The following SYNE2 variants were observed in gnomAD, a reference collection of about 807,000 sequenced individuals.
The protein encoded by SYNE2 is nesprin-2.
In SYNE2, 431 loss-of-function variants were observed where a neutral mutation model predicts 856.3. That is an observed-to-expected ratio of 0.50 (90% CI 0.47 to 0.55). The LOEUF (loss-of-function observed/expected upper bound fraction) is 0.55. Among genes scored for constraint, SYNE2 ranks in the 20% least tolerant of loss-of-function variants. SYNE2 has a pLI of 0.00. For synonymous variants in SYNE2, 2,923 were observed against 2,872.3 expected, an observed-to-expected ratio of 1.02 and a Z score of -0.56; for missense variants, 8,129 against 8,023.2, an observed-to-expected ratio of 1.01 and a Z score of -0.50.
chr14:64,204,728 C>T (rs2098596985), intron 100 of SYNE2, among the ~76,000 whole-genome samples: 1 of 152,050 alleles, frequency 6.6e-6, no homozygotes, highest in African/African-American at 2.4e-5. Flanking sequence ...TTCAGGACTA[C>T]CATTATTGTA....
chr14:64,186,304 C>T (rs754780732), intron 96 of SYNE2, 120 bp from the exon 97 acceptor site: 1 of 1,311,874 alleles, frequency 7.6e-7, no homozygotes, highest in African/African-American at 1.5e-5. Flanking sequence ...TTCAGAAGGT[C>T]CCTCCCTCTC....
chr14:64,204,676 A>G (rs998252628), intron 100 of SYNE2, among the ~76,000 whole-genome samples: 9 of 152,014 alleles, frequency 5.9e-5, no homozygotes, highest in Admixed American at 5.9e-4. Flanking sequence ...TGACATTTCT[A>G]TCCCTTGGTT....
intron 45 of SYNE2, among the ~76,000 whole-genome samples, chr14:64,036,415 C>T (rs1339344951): frequency 3.9e-5 from 6 of 152,010 alleles, no homozygotes; most frequent in Non-Finnish European, 7.4e-5. Flanking sequence ...CCTCCTGAGT[C>T]GCTGGGATCA....
In SYNE2 at chr14:63,940,609, G is replaced by GA; in HGVS notation, c.80-4dup. 6.2e-7 allele frequency: 1 copy of GA among 1,614,020 alleles called. No individual in the cohort carries two copies. The highest frequency in any genetic ancestry group is 8.5e-7 in the Non-Finnish European group (1 of 1,179,930). On this transcript the variant is annotated splice_region_variant and splice_polypyrimidine_tract_variant and intron_variant, in intron 2 of 115. Transcript: ENST00000555002. ...TTATAACTGCTGTTGTTCTTTCTTTGATAGCTGAACAGGAAGACACCCAGA... is the reference window on the plus strand; with the variant it reads ...TTATAACTGCTGTTGTTCTTTCTTTGAATAGCTGAACAGGAAGACACCCAGA...
intron 6 of SYNE2, among the ~76,000 whole-genome samples, chr14:63,946,692 CATA>C (rs2096036228): frequency 6.8e-6 from 1 of 146,902 alleles, no homozygotes; most frequent in South Asian, 2.1e-4. Context: ...TACAGTATAA[CATA>C]ATATATACTG....
At chr14:63,895,703 G>C (rs973886929) in intron 1 of SYNE2, among the ~76,000 whole-genome samples, 1 of 146,828 alleles carries the variant, frequency 6.8e-6, no homozygotes, top group East Asian at 2.0e-4. Context: ...AGGAGGCAAA[G>C]GTGGCAGTGA....
intron 45 of SYNE2, among the ~76,000 whole-genome samples, chr14:64,047,260 G>C (rs1232545905): frequency 6.6e-6 from 1 of 152,216 alleles, no homozygotes; most frequent in Admixed American, 6.5e-5. Flanking sequence ...ACTGAGTCTG[G>C]TGTCTTTATA....
At chr14:64,209,005 C>G (rs578171774) in intron 101 of SYNE2, 60 bp downstream of exon 101, 1 of 1,569,700 alleles carries the variant, frequency 6.4e-7, no homozygotes, top group Non-Finnish European at 8.7e-7. Flanking sequence ...ATACACCCTT[C>G]TGACCTCATT....
intron 1 of SYNE2, among the ~76,000 whole-genome samples, chr14:63,841,224 A>T (rs1890057639): frequency 6.6e-6 from 1 of 152,098 alleles, no homozygotes; most frequent in Non-Finnish European, 1.5e-5. Context: ...TGCACCACAG[A>T]TGTTGCTCAG....
At chr14:63,856,233 A>G (rs1891690436) in intron 1 of SYNE2, among the ~76,000 whole-genome samples, 2 of 152,172 alleles carry the variant, frequency 1.3e-5, no homozygotes, top group Admixed American at 1.3e-4. Context: ...TTAACATGGA[A>G]TCCTCATATG....
chr14:64,087,651 C>T lies in SYNE2; in HGVS notation c.11485-20C>T, dbSNP rs1299793316. The T allele has an allele frequency of 6.2e-7, 1 of 1,612,482 alleles. No homozygotes were observed. Among genetic ancestry groups the T allele is most frequent in the African/African-American group, 1.3e-5 (1 of 74,842 alleles). Reference sequence around the variant, plus strand: ...GATCTTGATGTTTCTCTCTATTTTTCCCATTCTGTGTTTATCTAGATGGCT... The same window carrying T: ...GATCTTGATGTTTCTCTCTATTTTTTCCATTCTGTGTTTATCTAGATGGCT... On this transcript the variant is annotated intron_variant, in intron 57 of 115. Transcript: ENST00000555002.
At chr14:64,097,330 C>G (rs2097685395) in intron 61 of SYNE2, among the ~76,000 whole-genome samples, 1 of 146,988 alleles carries the variant, frequency 6.8e-6, no homozygotes, top group African/African-American at 2.6e-5. Flanking sequence ...AGGATAGACT[C>G]TGCTTAAAAA....
In SYNE2 at chr14:63,906,537, T is replaced by G. The variant is rs1013813832; in HGVS notation, c.-51-2561T>G. On this transcript the variant is annotated intron_variant, in intron 1 of 115. Coordinates refer to ENST00000555002, the MANE Select transcript of SYNE2 (RefSeq NM_182914.3). ...ATTTCAATCTCTTCCCAATTCAATC[T>G]TGGGAAATTGTGTTTCCAGGAATTT... 1.4e-4 allele frequency among the ~76,000 whole-genome samples: 21 copies of G among 152,342 alleles called. No homozygotes were observed. In the East Asian group the frequency reaches 4.0e-3, roughly 29 times the overall value.
chr14:64,188,383 G>A (rs1405330592), intron 97 of SYNE2, among the ~76,000 whole-genome samples, 167 bp from the exon 98 acceptor site: 5 of 152,144 alleles, frequency 3.3e-5, no homozygotes, highest in Admixed American at 1.3e-4. Context: ...CAGGTGTAAG[G>A]AACTTCTGTT....
chr14:63,978,476 AAG>A (rs932344041), intron 13 of SYNE2, among the ~76,000 whole-genome samples: 1 of 152,228 alleles, frequency 6.6e-6, no homozygotes, highest in African/African-American at 2.4e-5. Flanking sequence ...TTAGAATAAT[AAG>A]AGGGTGTTAG....
intron 2 of SYNE2, among the ~76,000 whole-genome samples, chr14:63,909,829 G>A (rs1012188481): frequency 2.0e-5 from 3 of 152,116 alleles, no homozygotes; most frequent in Non-Finnish European, 4.4e-5. Context: ...CAACAAGAGC[G>A]AAACTCCATC....
chr14:64,201,578 A>C (rs993269545), intron 99 of SYNE2, among the ~76,000 whole-genome samples: 2 of 152,294 alleles, frequency 1.3e-5, no homozygotes, highest in South Asian at 2.1e-4. Flanking sequence ...AGGGTAGGGC[A>C]GGGACTATTG....
intron 84 of SYNE2, among the ~76,000 whole-genome samples, chr14:64,149,292 C>A (rs2098218631): frequency 6.6e-6 from 1 of 151,816 alleles, no homozygotes; most frequent in African/African-American, 2.4e-5. Context: ...GATAAGACCC[C>A]ATCTCTAAAA....
chr14:63,879,220 T>G (rs1055676638), intron 1 of SYNE2, among the ~76,000 whole-genome samples: 1 of 152,238 alleles, frequency 6.6e-6, no homozygotes, highest in Non-Finnish European at 1.5e-5. Flanking sequence ...AAAGTCTCCT[T>G]TTGTGCAAGT....
Sources: allele counts gnomAD v4.1 joint callset (sites outside exome capture counted in the v4.1 genomes callset), GRCh38; gene constraint gnomAD v4.1.1; transcripts MANE v1.5; gene names NCBI Gene and HGNC (gene_info 2026-07-23, HGNC 2026-07-21).